Variants in FNBP1 observed in about 807,000 individuals in gnomAD.
FNBP1 encodes formin binding protein 1, also known as formin-binding protein 1.
Under a neutral mutation model 90.6 loss-of-function variants are expected in FNBP1, and 26 were observed. That is an observed-to-expected ratio of 0.29 (90% CI 0.21 to 0.40). The LOEUF is 0.40. Among genes scored for constraint, FNBP1 ranks in the 10% least tolerant of loss-of-function variants. The probability of loss-of-function intolerance (pLI) is 1.00; values close to 1 mark genes in which losing one functional copy is unlikely to be tolerated. For synonymous variants in FNBP1, 260 were observed against 265.2 expected (o/e 0.98, Z 0.19); for missense variants, 635 against 768.0 (o/e 0.83, Z 2.05).
intron 4 of FNBP1, among the ~76,000 whole-genome samples, chr9:129,960,163 G>C (rs2047568464): frequency 6.6e-6 from 1 of 151,844 alleles, no homozygotes; most frequent in Non-Finnish European, 1.5e-5. Context: ...CGGATCACGA[G>C]GTCAGGAGTT....
chr9:129,970,611 C>T (rs2133232686), intron 4 of FNBP1, among the ~76,000 whole-genome samples: 2 of 152,190 alleles, frequency 1.3e-5, no homozygotes, highest in South Asian at 4.1e-4. Context: ...TCCTTTAATT[C>T]CGTTTTAGTA....
intron 2 of FNBP1, among the ~76,000 whole-genome samples, chr9:129,988,290 G>GA (rs983677739): frequency 1.3e-5 from 2 of 150,244 alleles, no homozygotes; most frequent in African/African-American, 2.5e-5. Context: ...TTCAGACTCA[G>GA]AAAAAAAAAT....
rs2034900345 is a variant in FNBP1, at chr9:129,889,018, A to G, written c.*1521T>C. On this transcript the variant is annotated 3_prime_UTR_variant, in exon 17 of 17. Transcript: ENST00000446176. ...TCTCGGTCACAGGAGCTCTAGGCCA[A>G]TGGTTCCTCTTGACTGTTTCTGCAC... The G allele has an allele frequency of 7.4e-6, 1 of 134,312 alleles. No homozygotes were observed. Among genetic ancestry groups the G allele is most frequent in the South Asian group, 2.6e-4 (1 of 3,824 alleles). The allele number at this position is 134,312 out of a possible 1,614,324, so 8.3% of individuals were successfully genotyped here.
At chr9:130,047,769 A>G (rs982008051), upstream of FNBP1, among the ~76,000 whole-genome samples, 14 of 152,216 alleles carry the variant, frequency 9.2e-5, no homozygotes, top group African/African-American at 3.4e-4. Context: ...GAGACCCTGT[A>G]TAGATGGCTG....
At chr9:129,898,691 T>G (rs1032448147) in intron 15 of FNBP1, among the ~76,000 whole-genome samples, 1 of 152,170 alleles carries the variant, frequency 6.6e-6, no homozygotes, top group African/African-American at 2.4e-5. Flanking sequence ...GGTTTCACCA[T>G]GTTGGCCAGG....
At chr9:130,015,505 C>T (rs2057136691) in intron 1 of FNBP1, among the ~76,000 whole-genome samples, 2 of 152,108 alleles carry the variant, frequency 1.3e-5, no homozygotes, top group South Asian at 4.1e-4. Flanking sequence ...AATCCAGCCT[C>T]GACTACTGCC....
chr9:129,889,992 G>C lies in FNBP1; in HGVS notation c.*547C>G, dbSNP rs1443467835. ...ATGTTTAGTATGAGGTGCAAGCCTA[G>C]AATCCAAAAAGGACCACTGAGGACT... On this transcript the variant is annotated 3_prime_UTR_variant, in exon 17 of 17. Transcript: ENST00000446176. 3 of 240,540 alleles carry C rather than the reference G, an allele frequency of 1.2e-5. No homozygotes were observed. 14.9% of individuals were successfully genotyped at this position (240,540 alleles called of 1,614,324 possible). A position where few individuals can be genotyped will look rare whatever the true frequency, so the allele number is the denominator to read the frequency against.
intron 4 of FNBP1, among the ~76,000 whole-genome samples, chr9:129,974,853 C>A (rs2050058365): frequency 6.9e-6 from 1 of 144,770 alleles, no homozygotes; most frequent in African/African-American, 2.6e-5. Flanking sequence ...GAATGAGACC[C>A]TGAAGAAAAA....
chr9:129,934,945 C>CT (rs2043215951), intron 6 of FNBP1, among the ~76,000 whole-genome samples: 1 of 151,998 alleles, frequency 6.6e-6, no homozygotes, highest in Non-Finnish European at 1.5e-5. Context: ...GCCATACTGC[C>CT]TAAAAGGTCA....
chr9:130,010,308 C>T (rs1024659125), intron 1 of FNBP1, among the ~76,000 whole-genome samples: 3 of 152,170 alleles, frequency 2.0e-5, no homozygotes, highest in Admixed American at 1.3e-4. Flanking sequence ...GGATCACTTT[C>T]TCCATCTCTC....
chr9:129,957,800 G>A lies in FNBP1; in HGVS notation c.409-336C>T, dbSNP rs542896352. On this transcript the variant is annotated intron_variant, in intron 5 of 16. Coordinates refer to ENST00000446176, the MANE Select transcript of FNBP1 (RefSeq NM_015033.3). This position sits in a 1 kb window ranked among gnomAD's most constrained non-coding sequence, Gnocchi z 4.3. ...GCTTCTGAGCTCAAGCAATCCTCCCGCCTCTGCCTCCCAAATTGCTGGGAT... is the reference window on the plus strand; with the variant it reads ...GCTTCTGAGCTCAAGCAATCCTCCCACCTCTGCCTCCCAAATTGCTGGGAT... Among the ~76,000 whole-genome samples, 3 of 151,208 alleles carry A rather than the reference G, an allele frequency of 2.0e-5. No homozygotes were observed. The highest frequency in any genetic ancestry group is 4.9e-5 in the African/African-American group (2 of 41,220).
At chr9:129,983,483 G>A (rs1589064228) in intron 2 of FNBP1, among the ~76,000 whole-genome samples, 1 of 152,230 alleles carries the variant, frequency 6.6e-6, no homozygotes, top group East Asian at 1.9e-4. Flanking sequence ...CTGTTCTCTT[G>A]GGACAAGGTT....
At position 129,889,702 on chromosome 9, in the gene FNBP1, C is replaced by T. The variant is rs1588307606; in HGVS notation, c.*837G>A. 4.3e-5 allele frequency: 10 copies of T among 231,874 alleles called. No individual in the cohort carries two copies. The East Asian group carries it at 5.5e-4, about 13-fold the overall frequency. 14.4% of individuals were successfully genotyped at this position (231,874 alleles called of 1,614,324 possible). On this transcript the variant is annotated 3_prime_UTR_variant, in exon 17 of 17. Coordinates refer to ENST00000446176, the MANE Select transcript of FNBP1 (RefSeq NM_015033.3). ...CAGAGGGGAGGGCCTCGCTCACAAGCGCATGATCTACAGTTCTCAGGGACA... is the reference window on the plus strand; with the variant it reads ...CAGAGGGGAGGGCCTCGCTCACAAGTGCATGATCTACAGTTCTCAGGGACA...
intron 12 of FNBP1, among the ~76,000 whole-genome samples, chr9:129,903,260 C>T (rs2037313493): frequency 6.6e-6 from 1 of 152,136 alleles, no homozygotes; most frequent in Non-Finnish European, 1.5e-5. Context: ...CCACGTTGGC[C>T]AGGCTGGTCT....
intron 10 of FNBP1, chr9:129,919,050 C>A: frequency 4.8e-6 from 1 of 210,340 alleles, no homozygotes. Flanking sequence ...AATTTCATTT[C>A]GTAGTGTGGA....
At chr9:129,976,894 G>A (rs1183938201) in intron 4 of FNBP1, among the ~76,000 whole-genome samples, 2 of 151,830 alleles carry the variant, frequency 1.3e-5, no homozygotes, top group Admixed American at 6.6e-5. Context: ...GGCTGGGCTC[G>A]GTGGCTCACG....
chr9:129,941,688 C>A (rs992665593), intron 6 of FNBP1, among the ~76,000 whole-genome samples: 2 of 152,166 alleles, frequency 1.3e-5, no homozygotes, highest in African/African-American at 4.8e-5. Flanking sequence ...TGGTCTCGAA[C>A]TCCTGGGCTC....
chr9:130,033,774 C>T (rs1040559138), intron 1 of FNBP1, among the ~76,000 whole-genome samples: 4 of 147,240 alleles, frequency 2.7e-5, no homozygotes, highest in Non-Finnish European at 5.9e-5. Flanking sequence ...GGGCGGATCA[C>T]GAGGTCAGGA....
intron 4 of FNBP1, among the ~76,000 whole-genome samples, chr9:129,973,745 C>T (rs865792503): frequency 1.9e-4 from 29 of 151,326 alleles, no homozygotes; most frequent in African/African-American, 5.6e-4. Flanking sequence ...CCTCATGATC[C>T]GCCTGCCTTG....
Sources: allele counts gnomAD v4.1 joint callset (sites outside exome capture counted in the v4.1 genomes callset), GRCh38; gene constraint gnomAD v4.1.1; non-coding constraint Gnocchi (gnomAD v3.1); transcripts MANE v1.5; gene names NCBI Gene and HGNC (gene_info 2026-07-23, HGNC 2026-07-21).